Variants in HOOK1 observed in about 807,000 individuals in gnomAD.
HOOK1 encodes protein Hook homolog 1.
A neutral mutation model predicts 112.8 loss-of-function variants in HOOK1; 60 were observed. The ratio of observed to expected loss-of-function variants is 0.53; its 90% confidence interval spans 0.43 to 0.66. HOOK1 has a LOEUF of 0.66. Among genes scored for constraint, HOOK1 ranks in the 30% least tolerant of loss-of-function variants. The pLI is 0.00. For synonymous variants in HOOK1, 294 were observed against 283.8 expected, an observed-to-expected ratio of 1.04 and a Z score of -0.36; for missense variants, 770 against 856.0, an observed-to-expected ratio of 0.90 and a Z score of 1.25.
Position 59,874,619 on chromosome 1 carries a change from A to G in HOOK1, c.*1654A>G, listed in dbSNP as rs1469660282. The G allele has an allele frequency of 2.0e-5, 3 of 152,350 alleles. No homozygotes were observed. The highest frequency in any genetic ancestry group is 4.8e-5 in the African/African-American group (2 of 41,588). 9.4% of individuals were successfully genotyped at this position (152,350 alleles called of 1,614,324 possible). ...CTGCCATTATAGAGTTAAAGCAGCC[A>G]TACACAATATATAAACAAAATGGGC... On this transcript the variant is annotated 3_prime_UTR_variant, in exon 22 of 22. Transcript: ENST00000371208.
Position 59,843,481 on chromosome 1 carries a change from T to A in HOOK1, c.671T>A (p.Met224Lys). The change falls in exon 9 of 22, where the codon ATG becomes AAG. Residue 224 changes from methionine (M) to lysine (K), a missense_variant. Around this residue, in one of 3 missense-constraint regions of HOOK1, gnomAD observed 655 missense variants for 725.9 expected, o/e 0.90. Coordinates refer to ENST00000371208, the MANE Select transcript of HOOK1 (RefSeq NM_015888.6). ...EKNSLVSENE[M>K]MNEKLDQLDG... ...AATTCACTGGTTTCTGAAAATGAGA[T>A]GATGAATGAAAAACTTGACCAGTTG... 2 of 1,611,126 alleles carry A rather than the reference T, an allele frequency of 1.2e-6. No individual in the cohort carries two copies. Among genetic ancestry groups the A allele is most frequent in the Non-Finnish European group, 1.7e-6 (2 of 1,178,498 alleles).
At position 59,860,255 on chromosome 1, in the gene HOOK1, G is replaced by T; in HGVS notation, c.1459G>T (p.Glu487Ter). The T allele has an allele frequency of 6.2e-7, 1 of 1,610,978 alleles. No individual in the cohort carries two copies. Among genetic ancestry groups the T allele is most frequent in the Non-Finnish European group, 8.5e-7 (1 of 1,178,136 alleles). Reference protein sequence around the residue: ...LRLQQEGSENERIEELQEQLE... With the variant: ...LRLQQEGSEN ...CTTACAGCAAGAAGGCTCTGAGAAT[G>T]AACGTATTGAGGAACTTCAGGAGCA... Residue 487 changes from glutamate to a stop codon, truncating the protein, a stop_gained, in exon 15 of 22, where the codon GAA (glutamate) becomes TAA (stop). Coordinates refer to ENST00000371208, the MANE Select transcript of HOOK1 (RefSeq NM_015888.6). LOFTEE classifies it high-confidence loss of function.
chr1:59,838,952 G>A (rs1168331879), intron 7 of HOOK1, among the ~76,000 whole-genome samples: 3 of 152,098 alleles, frequency 2.0e-5, no homozygotes, highest in African/African-American at 7.2e-5. Context: ...TATTAAATAG[G>A]GAATCTTTTC....
chr1:59,825,934 A>G (rs150893974), intron 2 of HOOK1, among the ~76,000 whole-genome samples: 94 of 152,334 alleles, frequency 6.2e-4, no homozygotes, highest in African/African-American at 2.2e-3. Context: ...ACATACTTAC[A>G]TGAACATCTA....
chr1:59,847,395 T>C (rs2098404624), intron 10 of HOOK1, among the ~76,000 whole-genome samples: 1 of 151,682 alleles, frequency 6.6e-6, no homozygotes, highest in Non-Finnish European at 1.5e-5. Flanking sequence ...TTAGGACATT[T>C]TCACATTAGA....
rs758806053 is a variant in HOOK1 at position 59,865,256 on chromosome 1, G to T, written c.1744+11G>T. ...ATATAAATCAAAATGGTAGGTATCTGTGAAAACTTGGATCAGACAACAGTA... is the reference window on the plus strand; with the variant it reads ...ATATAAATCAAAATGGTAGGTATCTTTGAAAACTTGGATCAGACAACAGTA... On this transcript the variant is annotated intron_variant, in intron 18 of 21. Coordinates refer to ENST00000371208, the MANE Select transcript of HOOK1 (RefSeq NM_015888.6). 8 of 1,526,500 alleles carry T rather than the reference G, an allele frequency of 5.2e-6. No individual in the cohort carries two copies. Among genetic ancestry groups the T allele is most frequent in the Middle Eastern group, 1.7e-4 (1 of 5,836 alleles). 94.6% of individuals were successfully genotyped at this position (1,526,500 alleles called of 1,614,324 possible).
chr1:59,841,761 A>G (rs963006675), intron 8 of HOOK1, among the ~76,000 whole-genome samples: 5 of 152,136 alleles, frequency 3.3e-5, no homozygotes, highest in African/African-American at 7.2e-5. Context: ...TTCTTATTCA[A>G]TAAAGAACAC....
chr1:59,817,048 C>T (rs1253871091), intron 1 of HOOK1, among the ~76,000 whole-genome samples: 1 of 152,218 alleles, frequency 6.6e-6, no homozygotes, highest in African/African-American at 2.4e-5. Flanking sequence ...GCTTTAGACT[C>T]CATCCCTTCC....
At chr1:59,828,220 AG>A (rs2102013856) in intron 2 of HOOK1, among the ~76,000 whole-genome samples, 1 of 152,308 alleles carries the variant, frequency 6.6e-6, no homozygotes, top group East Asian at 1.9e-4. Flanking sequence ...CTTGGCCATC[AG>A]TATCAATATG....
chr1:59,854,161 C>A (rs1472015101), intron 12 of HOOK1, among the ~76,000 whole-genome samples: 2 of 146,172 alleles, frequency 1.4e-5, no homozygotes, highest in Non-Finnish European at 3.0e-5. Flanking sequence ...AAGCGACTCT[C>A]CTGCGTGAGC....
chr1:59,817,099 GTATT>G (rs2098382153), intron 1 of HOOK1, among the ~76,000 whole-genome samples: 1 of 152,044 alleles, frequency 6.6e-6, no homozygotes, highest in African/African-American at 2.4e-5. Context: ...TTCCCTTTCT[GTATT>G]TACAACTACT....
At chr1:59,828,706 T>A in intron 2 of HOOK1, 74 bp from the exon 3 acceptor site, 1 of 1,246,290 alleles carries the variant, frequency 8.0e-7, no homozygotes, top group Non-Finnish European at 1.2e-6. Context: ...AGTAACTTTC[T>A]CTGTTGGCTC....
At position 59,860,192 on chromosome 1, in the gene HOOK1, G is replaced by A; in HGVS notation, c.1396G>A (p.Val466Met). ...GATTTTGCTTTGTAACATCAGGGAG[G>A]TGTTTATTCGACTGCAACATGAAAA... ...AEIMPVEYRE[V>M]FIRLQHENKM... is the part of the protein sequence containing the mutation. Residue 466 changes from valine (V) to methionine (M), a missense_variant, in exon 15 of 22, where the codon GTG (valine) becomes ATG (methionine). Val to Met is a conservative substitution (Grantham distance 21). Coordinates refer to ENST00000371208, the MANE Select transcript of HOOK1 (RefSeq NM_015888.6). The A allele has an allele frequency of 6.3e-7, 1 of 1,595,996 alleles. No homozygotes were observed. The highest frequency in any genetic ancestry group is 8.5e-7 in the Non-Finnish European group (1 of 1,172,800).
chr1:59,842,403 A>G (rs2102034411), intron 8 of HOOK1, among the ~76,000 whole-genome samples: 1 of 152,264 alleles, frequency 6.6e-6, no homozygotes, highest in Middle Eastern at 3.4e-3. Flanking sequence ...AGCTTACATA[A>G]TAGGCATGGA....
chr1:59,864,665 A>G lies in HOOK1; in HGVS notation c.1660A>G (p.Met554Val). 6.6e-7 allele frequency: 1 copy of G among 1,526,096 alleles called. No homozygotes were observed. Among genetic ancestry groups the G allele is most frequent in the Non-Finnish European group, 9.0e-7 (1 of 1,106,156 alleles). The allele number at this position is 1,526,096 out of a possible 1,614,324, so 94.5% of individuals were successfully genotyped here. Residue 554 changes from methionine (M) to valine (V), a missense_variant and splice_region_variant, in exon 17 of 22, where the codon ATG becomes GTG. This residue lies in a region of HOOK1 where 655 missense variants were observed against 725.9 expected (regional missense o/e 0.90). Transcript: ENST00000371208. ...SKLKQKLEAH[M>V]EKLTEVHEEL... ...ATTAAAGCAGAAGTTGGAAGCTCAT[A>G]TGTAAGTAAAACTGATATTTCTTTT...
At chr1:59,871,207 C>A in intron 21 of HOOK1, 97 bp downstream of exon 21, 1 of 753,398 alleles carries the variant, frequency 1.3e-6, no homozygotes, top group Non-Finnish European at 2.2e-6. Context: ...TTATCTTATA[C>A]CATAAACCAA....
chr1:59,868,891 T>C (rs966542650), intron 20 of HOOK1, among the ~76,000 whole-genome samples: 1 of 152,242 alleles, frequency 6.6e-6, no homozygotes, highest in Non-Finnish European at 1.5e-5. Context: ...AATGGCATGC[T>C]CTCATCAATT....
At position 59,871,022 on chromosome 1, in the gene HOOK1, T is replaced by A. The variant is rs751574912; in HGVS notation, c.1948-20T>A. ...GGGGTAATTTCTGGGATTTTAATTG[T>A]TCTCATATCTTTTTTCCAGAGTGAA... On this transcript the variant is annotated intron_variant, in intron 20 of 21. Coordinates refer to ENST00000371208, the MANE Select transcript of HOOK1 (RefSeq NM_015888.6). 6.6e-7 allele frequency: 1 copy of A among 1,514,104 alleles called. No individual in the cohort carries two copies. The highest frequency in any genetic ancestry group is 1.1e-5 in the South Asian group (1 of 87,928). The allele number at this position is 1,514,104 out of a possible 1,614,324, so 93.8% of individuals were successfully genotyped here.
chr1:59,848,558 T>G, intron 11 of HOOK1, 42 bp downstream of exon 11: 1 of 1,375,660 alleles, frequency 7.3e-7, no homozygotes, highest in Middle Eastern at 1.9e-4. Context: ...ATTGTAAGAG[T>G]TTAACTTTGT....
Sources: gnomAD v4.1 joint callset for allele counts (sites outside exome capture counted in the v4.1 genomes callset) on GRCh38, gnomAD v4.1.1 for gene constraint, gnomAD v4.1.1 regional missense constraint, MANE v1.5 for transcripts, NCBI Gene and HGNC (gene_info 2026-07-23, HGNC 2026-07-21) for gene names.